SHROOM3: variants seen among roughly 807,000 people sequenced by gnomAD.
SHROOM3 encodes the protein shroom family member 3, also known as protein Shroom3.
SHROOM3 carries 47 observed loss-of-function variants against 138.6 expected under a neutral mutation model. The ratio of observed to expected loss-of-function variants is 0.34; its 90% confidence interval spans 0.27 to 0.43. The LOEUF is 0.43. SHROOM3 is among the 20% of genes least tolerant of loss of function. The pLI is 1.00. For missense variants in SHROOM3, 2,491 were observed against 2,596.5 expected (o/e 0.96, Z 0.88); for synonymous variants, 1,062 against 1,063.3 (o/e 1.00, Z 0.02).
At chr4:76,539,782 G>A (rs1419476238) in intron 1 of SHROOM3, among the ~76,000 whole-genome samples, 1 of 152,148 alleles carries the variant, frequency 6.6e-6, no homozygotes, top group African/African-American at 2.4e-5. Flanking sequence ...GGCCTCTAAT[G>A]TAAGACAAGT....
At chr4:76,711,413 T>C (rs751656854) in intron 3 of SHROOM3, among the ~76,000 whole-genome samples, 3 of 152,234 alleles carry the variant, frequency 2.0e-5, no homozygotes, top group Non-Finnish European at 4.4e-5. Flanking sequence ...TGGGAAGTTC[T>C]TTCATATAGA....
At chr4:76,762,468 G>A (rs777345811) in intron 9 of SHROOM3, among the ~76,000 whole-genome samples, 3 of 152,212 alleles carry the variant, frequency 2.0e-5, no homozygotes, top group African/African-American at 4.8e-5. Flanking sequence ...GTTGCCCACA[G>A]CACCAGGGGG....
At chr4:76,625,651 C>G (rs1473145350) in intron 2 of SHROOM3, among the ~76,000 whole-genome samples, 2 of 152,174 alleles carry the variant, frequency 1.3e-5, no homozygotes, top group Non-Finnish European at 2.9e-5. Context: ...ACTTCACACT[C>G]CAATCGCCGA....
Position 76,741,912 on chromosome 4 carries a change from G to T in SHROOM3, c.3739G>T (p.Ala1247Ser), listed in dbSNP as rs778408175. ...GAGGTCCAGGTCATCTCCCGCCACC[G>T]CAGACAAGCGCCAGGTACGTGCAAC... The part of the protein sequence containing the change: ...HVRSRSSPAT[A>S]DKRQDVLLGQ... Residue 1247 changes from alanine (A) to serine (S), a missense_variant, in exon 5 of 11, where the codon GCA (alanine) becomes TCA (serine). Coordinates refer to ENST00000296043, the MANE Select transcript of SHROOM3 (RefSeq NM_020859.4). This position sits in a 1 kb window ranked among gnomAD's most constrained non-coding sequence, Gnocchi z 6.2. The T allele has an allele frequency of 1.2e-6, 2 of 1,612,184 alleles. No individual in the cohort carries two copies. The highest frequency in any genetic ancestry group is 2.2e-5 in the East Asian group (1 of 44,858).
intron 2 of SHROOM3, among the ~76,000 whole-genome samples, chr4:76,611,834 T>G (rs1734769237): frequency 6.6e-6 from 1 of 152,058 alleles, no homozygotes; most frequent in East Asian, 1.9e-4. Context: ...GCTTCTGGAG[T>G]TTCTGGCGAA....
chr4:76,529,636 T>C (rs1398667718), intron 1 of SHROOM3, among the ~76,000 whole-genome samples: 1 of 152,240 alleles, frequency 6.6e-6, no homozygotes, highest in African/African-American at 2.4e-5. Flanking sequence ...GTAGGATTTT[T>C]GATGGAGAGT....
chr4:76,474,235 A>C (rs1000068461), intron 1 of SHROOM3, among the ~76,000 whole-genome samples: 2 of 152,238 alleles, frequency 1.3e-5, no homozygotes, highest in African/African-American at 2.4e-5. Flanking sequence ...AGAATAAGCA[A>C]ATCCATAAAC....
chr4:76,507,586 G>A (rs1482171303), intron 1 of SHROOM3, among the ~76,000 whole-genome samples: 2 of 147,220 alleles, frequency 1.4e-5, no homozygotes, highest in African/African-American at 2.5e-5. Flanking sequence ...GCCCAGGCTC[G>A]AGTGCAGTGG....
intron 2 of SHROOM3, among the ~76,000 whole-genome samples, chr4:76,661,234 C>CTTTTTTTTTTTTTT (rs912334272): frequency 1.3e-4 from 19 of 146,054 alleles, no homozygotes; most frequent in African/African-American, 4.5e-4. Context: ...AATCCATTTT[C>CTTTTTTTTTTTTTT]TTTTTTTTTT....
At chr4:76,631,544 A>G (rs1305496820) in intron 2 of SHROOM3, among the ~76,000 whole-genome samples, 2 of 152,092 alleles carry the variant, frequency 1.3e-5, no homozygotes, top group Non-Finnish European at 2.9e-5. Context: ...AACCTAAACC[A>G]TAGGAAAGAA....
At chr4:76,697,066 G>C (rs1394889730) in intron 2 of SHROOM3, among the ~76,000 whole-genome samples, 2 of 151,522 alleles carry the variant, frequency 1.3e-5, no homozygotes, top group East Asian at 3.9e-4. Context: ...ACAGGCACAT[G>C]CCACCGCACC....
intron 3 of SHROOM3, among the ~76,000 whole-genome samples, chr4:76,724,527 C>T (rs889559388): frequency 3.9e-5 from 6 of 151,936 alleles, no homozygotes; most frequent in Non-Finnish European, 7.4e-5. Flanking sequence ...ATAGGTAATA[C>T]ATGCGTATAG....
chr4:76,550,130 A>T (rs1733319279), intron 1 of SHROOM3, among the ~76,000 whole-genome samples: 1 of 152,180 alleles, frequency 6.6e-6, no homozygotes, highest in Non-Finnish European at 1.5e-5. Context: ...GACATGTCCC[A>T]GTGAATGTGC....
intron 3 of SHROOM3, among the ~76,000 whole-genome samples, chr4:76,712,348 C>G (rs1313139450): frequency 1.3e-5 from 2 of 152,100 alleles, no homozygotes; most frequent in Admixed American, 1.3e-4. Context: ...GGGATATCTG[C>G]AGGGCCATTA....
chr4:76,479,244 G>A (rs1731552533), intron 1 of SHROOM3, among the ~76,000 whole-genome samples: 1 of 151,896 alleles, frequency 6.6e-6, no homozygotes, highest in Non-Finnish European at 1.5e-5. Flanking sequence ...AAAGGTTAGA[G>A]GAATTGCTAA....
At chr4:76,695,301 C>T (rs13138019) in intron 2 of SHROOM3, among the ~76,000 whole-genome samples, 101,949 of 152,052 alleles carry the variant, frequency 0.67, 35,285 homozygotes, top group East Asian at 0.94. Context: ...AGTCAGTCGA[C>T]TTATTTGTGA....
chr4:76,611,702 A>T (rs557304798), intron 2 of SHROOM3, among the ~76,000 whole-genome samples: 44 of 152,264 alleles, frequency 2.9e-4, no homozygotes, highest in Non-Finnish European at 5.6e-4. Flanking sequence ...AAGTTCTTTA[A>T]TATTTACCTA....
rs750252266 is a variant in SHROOM3 at position 76,779,096 on chromosome 4, C to T, written c.5910C>T (p.Pro1970=). 6 of 1,614,188 alleles carry T rather than the reference C, an allele frequency of 3.7e-6. No individual in the cohort carries two copies. In the Admixed American group the frequency reaches 1.0e-4, roughly 27 times the overall value. The stretch of plus-strand genomic sequence containing the variant: ...CCAAGGCTGGGGCCCTGGCTCTGCC[C>T]CCAAACCTCACGAGTGAGCCCATTC... ...FIPKAGALAL[P]PNLTSEPIPA... is the part of the protein sequence containing the mutation. Residue 1970 remains proline, a synonymous_variant, in exon 11 of 11, where the codon CCC becomes CCT. Transcript: ENST00000296043.
At chr4:76,466,765 A>C (rs183101344) in intron 1 of SHROOM3, among the ~76,000 whole-genome samples, 259 of 152,332 alleles carry the variant, frequency 1.7e-3, no homozygotes, top group South Asian at 7.0e-3. Context: ...GACAAAAACC[A>C]AATCCTAAGA....
Sources: gnomAD v4.1 joint callset for allele counts (sites outside exome capture counted in the v4.1 genomes callset) on GRCh38, gnomAD v4.1.1 for gene constraint, Gnocchi (gnomAD v3.1) non-coding constraint, MANE v1.5 for transcripts, NCBI Gene and HGNC (gene_info 2026-07-23, HGNC 2026-07-21) for gene names.